Variants in CNOT6L observed in about 807,000 individuals in gnomAD.
CNOT6L encodes CCR4-NOT transcription complex subunit 6-like.
In CNOT6L, 7 loss-of-function variants were observed where a neutral mutation model predicts 64.0. That is an observed-to-expected ratio of 0.11 (90% CI 0.06 to 0.21). The LOEUF is 0.21. CNOT6L is among the 10% of genes least tolerant of loss of function. The probability of loss-of-function intolerance (pLI) is 1.00; values close to 1 mark genes in which losing one functional copy is unlikely to be tolerated. For synonymous variants in CNOT6L, 193 were observed against 243.4 expected (o/e 0.79, Z 1.93); for missense variants, 245 against 669.0 (o/e 0.37, Z 6.99).
chr4:77,819,412 C>A, upstream of CNOT6L: 1 of 1,602,918 alleles, frequency 6.2e-7, no homozygotes, highest in South Asian at 1.1e-5. Flanking sequence ...ACAGATGCTT[C>A]CCCTCCAGAG....
intron 7 of CNOT6L, among the ~76,000 whole-genome samples, chr4:77,744,036 T>C (rs1157785597): frequency 6.6e-6 from 1 of 152,186 alleles, no homozygotes; most frequent in Non-Finnish European, 1.5e-5. Context: ...CATAAACATA[T>C]ACAATTATTT....
At chr4:77,756,789 T>C in intron 5 of CNOT6L, 73 bp downstream of exon 5, 1 of 899,926 alleles carries the variant, frequency 1.1e-6, no homozygotes, top group African/African-American at 1.7e-5. Flanking sequence ...AGTCAGATGC[T>C]CTTGAGGAAC....
At chr4:77,736,976 A>G (rs1723018023) in intron 8 of CNOT6L, among the ~76,000 whole-genome samples, 1 of 55,020 alleles carries the variant, frequency 1.8e-5, no homozygotes, top group South Asian at 5.1e-4. Context: ...AGTCCTTCAA[A>G]TAAAGACATA....
At chr4:77,781,772 TAC>T (rs1405612159) in intron 1 of CNOT6L, among the ~76,000 whole-genome samples, 2 of 152,342 alleles carry the variant, frequency 1.3e-5, no homozygotes, top group East Asian at 3.9e-4. Flanking sequence ...AGTGTTAAAT[TAC>T]AGTTTCTCTC....
chr4:77,774,034 G>C (rs902989479), intron 3 of CNOT6L, among the ~76,000 whole-genome samples: 3 of 152,112 alleles, frequency 2.0e-5, no homozygotes, highest in Admixed American at 6.5e-5. Flanking sequence ...GAAACATTTA[G>C]ATAAGATCTT....
chr4:77,819,211 C>A (rs757803721), intron 1 of CNOT6L, 93 bp downstream of exon 1: 1 of 1,611,088 alleles, frequency 6.2e-7, no homozygotes, highest in Non-Finnish European at 8.5e-7. Context: ...CACACCCACA[C>A]GCACATTTGT....
chr4:77,814,947 C>A (rs977106640), intron 1 of CNOT6L, among the ~76,000 whole-genome samples: 9 of 152,142 alleles, frequency 5.9e-5, no homozygotes, highest in Non-Finnish European at 1.3e-4. Context: ...AAAGCATGAG[C>A]ACAAATTAAT....
At chr4:77,798,935 C>T (rs1404378353) in intron 1 of CNOT6L, among the ~76,000 whole-genome samples, 2 of 151,918 alleles carry the variant, frequency 1.3e-5, no homozygotes, top group Non-Finnish European at 2.9e-5. Flanking sequence ...GCCATGATCA[C>T]ACAACTGCAT....
chr4:77,769,678 A>G (rs1404643699), intron 4 of CNOT6L, among the ~76,000 whole-genome samples: 1 of 152,150 alleles, frequency 6.6e-6, no homozygotes, highest in Non-Finnish European at 1.5e-5. Flanking sequence ...TAGGAGAATG[A>G]CTATTCATTT....
In CNOT6L at chr4:77,744,740, T is replaced by C. The variant is rs1724009165; in HGVS notation, c.695A>G (p.Asp232Gly). Residue 232 changes from aspartate to glycine, a missense_variant, in exon 7 of 12, where the codon GAC becomes GGC. This residue lies in a region of CNOT6L where 94 missense variants were observed against 290.9 expected (regional missense o/e 0.32). Transcript: ENST00000504123. ...KGIMEEIVNCDADIISLQEVE... is the reference protein window; with the variant it reads ...KGIMEEIVNCGADIISLQEVE... ...TACCTGAAGACTAATGATATCTGCG[T>C]CACAGTTAACAATTTCTTCCATAAT... 2.5e-6 allele frequency: 4 copies of C among 1,612,856 alleles called. No homozygotes were observed. Among genetic ancestry groups the C allele is most frequent in the South Asian group, 1.1e-5 (1 of 90,912 alleles).
chr4:77,735,506 C>T (rs1412675772), intron 8 of CNOT6L, among the ~76,000 whole-genome samples: 1 of 152,106 alleles, frequency 6.6e-6, no homozygotes, highest in Non-Finnish European at 1.5e-5. Context: ...GTTCTCTAAC[C>T]ACACTTCCGT....
Position 77,808,109 on chromosome 4 carries a change from C to T in CNOT6L, c.5+11195G>A, listed in dbSNP as rs576157952. 6.6e-5 allele frequency among the ~76,000 whole-genome samples: 10 copies of T among 152,166 alleles called. No individual in the cohort carries two copies. In the South Asian group the frequency reaches 1.9e-3, roughly 28 times the overall value. On this transcript the variant is annotated intron_variant, in intron 1 of 11. Transcript: ENST00000504123. ...AAAAATTACAGCAAAAAAGAATATGCAACAGAGATCTTGCATGACCCAAAA... is the reference window on the plus strand; with the variant it reads ...AAAAATTACAGCAAAAAAGAATATGTAACAGAGATCTTGCATGACCCAAAA...
In CNOT6L at chr4:77,756,920, T is replaced by A; in HGVS notation, c.432A>T (p.Leu144Phe). The A allele has an allele frequency of 6.2e-7, 1 of 1,609,396 alleles. No homozygotes were observed. The highest frequency in any genetic ancestry group is 8.5e-7 in the Non-Finnish European group (1 of 1,177,420). ...TTCGGGTTCCATCTGGGTCCTGGTA[T>A]AAGTTGAGAATATCCTGTGATAAAG... Reference protein sequence around the residue: ...GNPLSQDILNLYQDPDGTRKL... With the variant: ...GNPLSQDILNFYQDPDGTRKL... Residue 144 changes from leucine to phenylalanine, a missense_variant, in exon 5 of 12, where the codon TTA becomes TTT. Around this residue, in one of 10 missense-constraint regions of CNOT6L, gnomAD observed 94 missense variants for 290.9 expected, o/e 0.32. Coordinates refer to ENST00000504123, the MANE Select transcript of CNOT6L (RefSeq NM_144571.3).
chr4:77,789,769 G>T (rs1001163272), intron 1 of CNOT6L, among the ~76,000 whole-genome samples: 1 of 151,788 alleles, frequency 6.6e-6, no homozygotes, highest in African/African-American at 2.4e-5. Context: ...TGGGCAACAT[G>T]GCAAAACCCT....
chr4:77,790,200 G>C (rs982921867), intron 1 of CNOT6L, among the ~76,000 whole-genome samples: 1 of 151,960 alleles, frequency 6.6e-6, no homozygotes, highest in Non-Finnish European at 1.5e-5. Flanking sequence ...TTAGTATTAT[G>C]CATTTTAAGT....
At chr4:77,812,382 G>C (rs1164529217) in intron 1 of CNOT6L, among the ~76,000 whole-genome samples, 1 of 151,006 alleles carries the variant, frequency 6.6e-6, no homozygotes, top group Non-Finnish European at 1.5e-5. Flanking sequence ...AGGTTGTAGT[G>C]AGCCAAGACA....
chr4:77,812,231 T>C (rs992997524), intron 1 of CNOT6L, among the ~76,000 whole-genome samples: 5 of 151,590 alleles, frequency 3.3e-5, no homozygotes, highest in Admixed American at 3.3e-4. Context: ...GATCACGAGG[T>C]CGGCAAGACC....
At chr4:77,776,960 T>C (rs1342648093) in intron 1 of CNOT6L, among the ~76,000 whole-genome samples, 2 of 151,904 alleles carry the variant, frequency 1.3e-5, no homozygotes, top group South Asian at 2.1e-4. Context: ...GCAACAACGA[T>C]AAGGAAAGTC....
At chr4:77,767,017 C>T (rs1245127921) in intron 4 of CNOT6L, among the ~76,000 whole-genome samples, 6 of 138,432 alleles carry the variant, frequency 4.3e-5, no homozygotes, top group Non-Finnish European at 6.1e-5. Context: ...GAGCCAAGAT[C>T]GCGCCACTGC....
Sources: allele counts gnomAD v4.1 joint callset (sites outside exome capture counted in the v4.1 genomes callset), GRCh38; gene constraint gnomAD v4.1.1; regional missense constraint gnomAD v4.1.1; transcripts MANE v1.5; gene names NCBI Gene and HGNC (gene_info 2026-07-23, HGNC 2026-07-21).